The following GALM variants were observed in gnomAD, a reference collection of about 807,000 sequenced individuals.
GALM encodes aldose 1-epimerase.
GALM carries 43 observed loss-of-function variants against 37.4 expected under a neutral mutation model. The ratio of observed to expected loss-of-function variants is 1.15; its 90% CI spans 0.90 to 1.48. The LOEUF (loss-of-function observed/expected upper bound fraction) is 1.48, where lower values mean the gene tolerates loss of function less well. GALM is among the 40% of genes most tolerant of loss of function. The pLI is 0.00. For missense variants in GALM, 456 were observed against 419.1 expected, an observed-to-expected ratio of 1.09 and a Z score of -0.77; for synonymous variants, 199 against 170.6, an observed-to-expected ratio of 1.17 and a Z score of -1.30.
intron 4 of GALM, among the ~76,000 whole-genome samples, chr2:38,700,508 T>G (rs1665896556): frequency 6.6e-6 from 1 of 152,162 alleles, no homozygotes; most frequent in African/African-American, 2.4e-5. Flanking sequence ...TTTTAATCGT[T>G]TTTTACTTGA....
intron 1 of GALM, among the ~76,000 whole-genome samples, chr2:38,670,477 T>C (rs1271993079): frequency 6.6e-6 from 1 of 152,236 alleles, no homozygotes; most frequent in Non-Finnish European, 1.5e-5. Context: ...AGGAGCACCC[T>C]GGTGGGAGCA....
intron 4 of GALM, among the ~76,000 whole-genome samples, chr2:38,720,010 T>C (rs965737754): frequency 6.6e-6 from 1 of 151,824 alleles, no homozygotes; most frequent in Non-Finnish European, 1.5e-5. Context: ...GAGACCAGCC[T>C]GGGCAAGATG....
intron 4 of GALM, among the ~76,000 whole-genome samples, chr2:38,692,971 G>A (rs1047901805): frequency 6.6e-6 from 1 of 152,146 alleles, no homozygotes; most frequent in African/African-American, 2.4e-5. Flanking sequence ...GAGTGGATGG[G>A]CCTGGAGAGG....
At chr2:38,701,491 A>G (rs776853420) in intron 4 of GALM, among the ~76,000 whole-genome samples, 8 of 152,082 alleles carry the variant, frequency 5.3e-5, no homozygotes, top group Admixed American at 6.6e-5. Flanking sequence ...AATTTACCCA[A>G]TTCACTCTGT....
intron 4 of GALM, among the ~76,000 whole-genome samples, chr2:38,707,664 T>C (rs1411885252): frequency 6.6e-6 from 1 of 152,136 alleles, no homozygotes; most frequent in Non-Finnish European, 1.5e-5. Context: ...CAATAACTGG[T>C]TCCCAACTAG....
intron 3 of GALM, among the ~76,000 whole-genome samples, chr2:38,684,165 T>A (rs1013695717): frequency 2.0e-5 from 3 of 152,222 alleles, no homozygotes; most frequent in African/African-American, 7.2e-5. Flanking sequence ...GTTTGTTTTT[T>A]AAATTTAATA....
At chr2:38,692,060 T>G (rs1665689183) in intron 4 of GALM, among the ~76,000 whole-genome samples, 1 of 152,152 alleles carries the variant, frequency 6.6e-6, no homozygotes, top group Non-Finnish European at 1.5e-5. Context: ...TAGCATGACA[T>G]TTTACTGCTA....
intron 4 of GALM, among the ~76,000 whole-genome samples, chr2:38,703,999 G>A (rs1665983335): frequency 6.6e-6 from 1 of 151,604 alleles, no homozygotes; most frequent in Admixed American, 6.6e-5. Context: ...CTGGGAGACA[G>A]GGAGAAACGC....
rs181905277 is a variant in GALM, at chr2:38,675,072, G to T, written c.191-840G>T. Among the ~76,000 whole-genome samples, 16 of 152,200 alleles carry T rather than the reference G, an allele frequency of 1.1e-4. No individual in the cohort carries two copies. The East Asian group carries it at 2.5e-3, about 24-fold the overall frequency. ...TGCCTCTACTCCCAGCTACTCAGGA[G>T]GCTGAGGCAAGAAAACCACTTGAAC... On this transcript the variant is annotated intron_variant, in intron 1 of 6. Transcript: ENST00000272252.
intron 4 of GALM, among the ~76,000 whole-genome samples, chr2:38,694,088 A>T (rs1488941661): frequency 6.6e-6 from 1 of 152,048 alleles, no homozygotes; most frequent in Non-Finnish European, 1.5e-5. Flanking sequence ...AGGCTGAGGT[A>T]AGACAATTGC....
Position 38,734,004 on chromosome 2 carries a change from A to C in GALM, c.*439A>C. The C allele has an allele frequency of 4.0e-6, 1 of 250,144 alleles. No individual in the cohort carries two copies. The highest frequency in any genetic ancestry group is 5.6e-5 in the South Asian group (1 of 17,738). The allele number at this position is 250,144 out of a possible 1,614,324, so 15.5% of individuals were successfully genotyped here. A position where few individuals can be genotyped will look rare whatever the true frequency, so the allele number is the denominator to read the frequency against. On this transcript the variant is annotated 3_prime_UTR_variant, in exon 7 of 7. Coordinates refer to ENST00000272252, the MANE Select transcript of GALM (RefSeq NM_138801.3). ...AGTTTTCAAATGTCACATTAGCCTCACCCTGCATGCTAGGAGATGGACCTG... is the reference window on the plus strand; with the variant it reads ...AGTTTTCAAATGTCACATTAGCCTCCCCCTGCATGCTAGGAGATGGACCTG...
At chr2:38,674,807 C>G (rs1191267040) in intron 1 of GALM, among the ~76,000 whole-genome samples, 1 of 152,174 alleles carries the variant, frequency 6.6e-6, no homozygotes, top group African/African-American at 2.4e-5. Flanking sequence ...CATAGTTTTG[C>G]TTCCTGCAGT....
intron 4 of GALM, among the ~76,000 whole-genome samples, chr2:38,711,824 TCAC>T (rs1306778765): frequency 0.011 from 16 of 1,448 alleles, no homozygotes; most frequent in Admixed American, 0.049. Flanking sequence ...ATCATCACTA[TCAC>T]CACCATCATC....
At chr2:38,712,537 C>T (rs1666191742) in intron 4 of GALM, among the ~76,000 whole-genome samples, 1 of 152,152 alleles carries the variant, frequency 6.6e-6, no homozygotes, top group East Asian at 1.9e-4. Flanking sequence ...GGGCCAGATG[C>T]AAGGAACAAA....
intron 3 of GALM, among the ~76,000 whole-genome samples, chr2:38,687,448 G>C (rs1036134865): frequency 2.0e-5 from 3 of 152,202 alleles, no homozygotes; most frequent in African/African-American, 7.2e-5. Context: ...GGTGGCTCAA[G>C]TCTGTAATCC....
chr2:38,692,237 ATTGTT>A (rs1665696137), intron 4 of GALM, among the ~76,000 whole-genome samples: 1 of 152,130 alleles, frequency 6.6e-6, no homozygotes, highest in African/African-American at 2.4e-5. Flanking sequence ...AAATTGTAGT[ATTGTT>A]TTCTCTTTTC....
At chr2:38,681,776 A>G (rs536667249) in intron 3 of GALM, among the ~76,000 whole-genome samples, 1 of 152,376 alleles carries the variant, frequency 6.6e-6, no homozygotes, top group Admixed American at 6.5e-5. Flanking sequence ...ACATGTGCTT[A>G]TATTTGCTTC....
At chr2:38,685,415 T>C (rs1199379650) in intron 3 of GALM, among the ~76,000 whole-genome samples, 2 of 152,222 alleles carry the variant, frequency 1.3e-5, no homozygotes, top group African/African-American at 4.8e-5. Flanking sequence ...CTAGAGGTGA[T>C]GAGAGCTGAG....
At chr2:38,705,490 G>A (rs752605455) in intron 4 of GALM, among the ~76,000 whole-genome samples, 10 of 152,202 alleles carry the variant, frequency 6.6e-5, no homozygotes, top group Non-Finnish European at 1.5e-4. Flanking sequence ...TGGGACTGAA[G>A]GAGTGTAGAA....
Sources: gnomAD v4.1 joint callset for allele counts (sites outside exome capture counted in the v4.1 genomes callset) on GRCh38, gnomAD v4.1.1 for gene constraint, MANE v1.5 for transcripts, NCBI Gene and HGNC (gene_info 2026-07-23, HGNC 2026-07-21) for gene names.